Variants in FRMPD4 observed in about 807,000 individuals in gnomAD.
FRMPD4 encodes the protein FERM and PDZ domain-containing protein 4.
FRMPD4 carries 22 observed loss-of-function variants against 94.1 expected under a neutral mutation model. That is an observed-to-expected ratio of 0.23 (90% CI 0.17 to 0.33). FRMPD4 has a LOEUF of 0.33. Among genes scored for constraint, FRMPD4 ranks in the 10% least tolerant of loss-of-function variants. The probability of loss-of-function intolerance (pLI) is 1.00; values close to 1 mark genes in which losing one functional copy is unlikely to be tolerated. For missense variants in FRMPD4, 1,111 were observed against 1,339.9 expected, an observed-to-expected ratio of 0.83 and a Z score of 2.67; for synonymous variants, 631 against 548.6, an observed-to-expected ratio of 1.15 and a Z score of -2.10.
intron 3 of FRMPD4, among the ~76,000 whole-genome samples, chrX:12,077,227 G>A (rs1569154252): frequency 8.9e-6 from 1 of 111,890 alleles, no homozygotes; most frequent in Non-Finnish European, 1.9e-5. Flanking sequence ...AAGCATTTTT[G>A]TTTAGACCCC....
At chrX:11,871,287 C>G (rs754751456) in intron 2 of FRMPD4, among the ~76,000 whole-genome samples, 22 of 112,024 alleles carry the variant, frequency 2.0e-4, no homozygotes, top group Non-Finnish European at 3.6e-4. Context: ...CAAAATACCA[C>G]TTGCACTCAG....
At chrX:11,983,876 A>T (rs1369280344) in intron 3 of FRMPD4, among the ~76,000 whole-genome samples, 1 of 112,554 alleles carries the variant, frequency 8.9e-6, no homozygotes, top group African/African-American at 3.2e-5. Flanking sequence ...ACTAAAAAAA[A>T]GTTCAAGACA....
intron 2 of FRMPD4, among the ~76,000 whole-genome samples, chrX:12,602,615 C>CT (rs748743245): frequency 8.9e-6 from 1 of 112,189 alleles, no homozygotes; most frequent in East Asian, 2.8e-4. Context: ...GATGCATGAG[C>CT]TTTTGGTACA....
At position 12,243,790 on chromosome X, in the gene FRMPD4, C is replaced by CTT. The variant is rs148889684; in HGVS notation, c.41+104811_41+104812dup. Among the ~76,000 whole-genome samples the CTT allele has an allele frequency of 3.8e-3, 88 of 22,930 alleles. 1 individual carries two copies. Among genetic ancestry groups the CTT allele is most frequent in the African/African-American group, 5.6e-3 (28 of 5,028 alleles). 19.9% of individuals were successfully genotyped at this position (22,930 alleles called of 115,157 possible). ...CAGAAACAGTTGTCCATCTAAAGGG[C>CTT]TTTTTTTTTTTTTTTTTTTTTTTTT... On this transcript the variant is annotated intron_variant, in intron 1 of 16. Coordinates refer to ENST00000675598, the MANE Select transcript of FRMPD4 (RefSeq NM_001368397.1).
intron 2 of FRMPD4, among the ~76,000 whole-genome samples, chrX:12,534,258 T>G (rs1246875308): frequency 1.8e-5 from 2 of 112,802 alleles, no homozygotes; most frequent in African/African-American, 6.4e-5. Flanking sequence ...CTGCCTAGAT[T>G]TCAGAAGATA....
Position 12,275,422 on chromosome X carries a change from G to C in FRMPD4, c.41+136410G>C, listed in dbSNP as rs559137589. ...CCTTTGTTAAAAAATAAATTACCGA[G>C]TCTCAGGTATTTATTTATAGCAACA... On this transcript the variant is annotated intron_variant, in intron 1 of 16. Transcript: ENST00000675598. Among the ~76,000 whole-genome samples the C allele has an allele frequency of 3.6e-5, 4 of 110,910 alleles. No individual in the cohort carries two copies. The South Asian group carries it at 1.2e-3, about 32-fold the overall frequency.
rs201846851 is a variant in FRMPD4, at chrX:12,636,672, CTT to C, written c.422+21793_422+21794del. Reference sequence around the variant, plus strand: ...GACAACAAATAACTTGATCCTGTCTCTTTATTTACCACTTTTCAAACCAATGA... The same window carrying C: ...GACAACAAATAACTTGATCCTGTCTCTATTTACCACTTTTCAAACCAATGA... On this transcript the variant is annotated intron_variant, in intron 4 of 16. Coordinates refer to ENST00000675598, the MANE Select transcript of FRMPD4 (RefSeq NM_001368397.1). Among the ~76,000 whole-genome samples, 478 of 112,341 alleles carry C rather than the reference CTT, an allele frequency of 4.3e-3. 12 individuals are homozygous for C. The highest frequency in any genetic ancestry group is 0.035 in the Admixed American group (367 of 10,586).
chrX:12,093,314 G>A (rs1436391645), intron 3 of FRMPD4, among the ~76,000 whole-genome samples: 3 of 111,311 alleles, frequency 2.7e-5, no homozygotes, highest in Non-Finnish European at 5.7e-5. Context: ...CATTCTACAG[G>A]AAGAAGGGTC....
intron 3 of FRMPD4, among the ~76,000 whole-genome samples, chrX:12,104,311 T>C (rs1417063532): frequency 8.9e-6 from 1 of 112,151 alleles, no homozygotes. Flanking sequence ...TTAATTATGG[T>C]AATTAGTAAG....
chrX:12,047,642 A>G (rs1180184656), intron 3 of FRMPD4, among the ~76,000 whole-genome samples: 1 of 109,874 alleles, frequency 9.1e-6, no homozygotes, highest in Non-Finnish European at 1.9e-5. Context: ...TTCAACCCTT[A>G]CCTCCCTCTC....
At chrX:12,552,421 T>C (rs1020709640) in intron 2 of FRMPD4, among the ~76,000 whole-genome samples, 2 of 111,660 alleles carry the variant, frequency 1.8e-5, no homozygotes, top group Non-Finnish European at 3.8e-5. Flanking sequence ...ATAAGTATTA[T>C]TTTGCTTCCA....
chrX:12,628,923 A>G (rs900583165), intron 4 of FRMPD4, among the ~76,000 whole-genome samples: 3 of 112,656 alleles, frequency 2.7e-5, no homozygotes, highest in Admixed American at 9.4e-5. Context: ...AAGCCTCACA[A>G]TCATGGCAGA....
intron 1 of FRMPD4, among the ~76,000 whole-genome samples, chrX:12,207,386 C>T (rs750689350): frequency 9.0e-6 from 1 of 110,816 alleles, no homozygotes. Context: ...TAAAAAGAAA[C>T]GTTGAATCAG....
At chrX:12,499,108 C>G (rs984147396) in intron 2 of FRMPD4, among the ~76,000 whole-genome samples, 2 of 111,274 alleles carry the variant, frequency 1.8e-5, no homozygotes, top group Non-Finnish European at 3.8e-5. Flanking sequence ...AAATATTAGG[C>G]CAAGTTGTAT....
intron 2 of FRMPD4, among the ~76,000 whole-genome samples, chrX:11,872,758 G>A (rs1247187855): frequency 8.9e-6 from 1 of 112,176 alleles, no homozygotes; most frequent in Non-Finnish European, 1.9e-5. Context: ...TATAAGAAGG[G>A]CTGAAATCTA....
chrX:12,579,596 C>G (rs2058844912), intron 2 of FRMPD4, among the ~76,000 whole-genome samples: 3 of 111,950 alleles, frequency 2.7e-5, no homozygotes, highest in Non-Finnish European at 3.8e-5. Flanking sequence ...GTTTAGCTTT[C>G]TAGCTCCATT....
intron 3 of FRMPD4, among the ~76,000 whole-genome samples, chrX:11,952,578 T>A (rs1172641205): frequency 1.8e-5 from 2 of 112,438 alleles, no homozygotes; most frequent in Admixed American, 1.9e-4. Context: ...AGCTTGAGGC[T>A]GAAGCAGTTA....
intron 5 of FRMPD4, among the ~76,000 whole-genome samples, chrX:12,678,596 C>T (rs182117582): frequency 4.3e-4 from 48 of 111,991 alleles, no homozygotes; most frequent in African/African-American, 8.8e-4. Context: ...GAGGCCGAGG[C>T]GGGCAGATCA....
At chrX:12,075,428 AGAT>A (rs746822286) in intron 3 of FRMPD4, among the ~76,000 whole-genome samples, 65 of 112,254 alleles carry the variant, frequency 5.8e-4, no homozygotes, top group Non-Finnish European at 1.0e-3. Flanking sequence ...TTATGAAAAA[AGAT>A]GATGAGAAGA....
Sources: allele counts gnomAD v4.1 joint callset (sites outside exome capture counted in the v4.1 genomes callset), GRCh38; gene constraint gnomAD v4.1.1; transcripts MANE v1.5; gene names NCBI Gene and HGNC (gene_info 2026-07-23, HGNC 2026-07-21).